Variants in SAP30 observed in about 807,000 individuals in gnomAD.
SAP30 encodes the protein Sin3A associated protein 30.
In SAP30, 13 loss-of-function variants were observed where a neutral mutation model predicts 19.6. That is an observed-to-expected ratio of 0.66 (90% CI 0.43 to 1.05). The LOEUF is 1.05. Ranked by LOEUF, SAP30 falls within the 50% of genes least tolerant of loss-of-function variation. The pLI is 0.00. For synonymous variants in SAP30, 108 were observed against 122.7 expected, an observed-to-expected ratio of 0.88 and a Z score of 0.79; for missense variants, 257 against 292.1, an observed-to-expected ratio of 0.88 and a Z score of 0.88.
intron 3 of SAP30, among the ~76,000 whole-genome samples, chr4:173,375,028 A>ATATG: frequency 6.7e-6 from 1 of 148,514 alleles, no homozygotes; most frequent in South Asian, 2.1e-4. Flanking sequence ...TTATAGATTT[A>ATATG]TATATATATA....
Position 173,371,537 on chromosome 4 carries a change from G to C in SAP30, c.315+40G>C, listed in dbSNP as rs557481123. ...GGACCGCCCTGCCCTCCCGCCCCTC[G>C]GTGGGGCCCCAGGAGCCGGGCAAAG... On this transcript the variant is annotated intron_variant, in intron 1 of 3. Coordinates refer to ENST00000296504, the MANE Select transcript of SAP30 (RefSeq NM_003864.4). The surrounding 1 kb of genome is among the most constrained non-coding windows in gnomAD (Gnocchi z 6.4). 1 of 1,560,224 alleles carries C rather than the reference G, an allele frequency of 6.4e-7. No homozygotes were observed. Among genetic ancestry groups the C allele is most frequent in the Non-Finnish European group, 8.6e-7 (1 of 1,156,198 alleles).
chr4:173,375,257 T>A (rs2126905864), intron 3 of SAP30, among the ~76,000 whole-genome samples: 1 of 152,200 alleles, frequency 6.6e-6, no homozygotes, highest in Admixed American at 6.5e-5. Flanking sequence ...AAAATGTGCC[T>A]ATTGAATAAA....
chr4:173,376,833 G>A (rs1183225830), intron 3 of SAP30, among the ~76,000 whole-genome samples: 2 of 151,880 alleles, frequency 1.3e-5, no homozygotes, highest in African/African-American at 4.8e-5. Flanking sequence ...TGTTGCTCAG[G>A]CTGGTCTCAA....
In SAP30 at chr4:173,374,008, C is replaced by T; in HGVS notation, c.511C>T (p.Pro171Ser). ...AAGACACTTCAAGCTACCAACCAGA[C>T]CAGGACTTAATAAAGCACAACTTGT... ...YKRHFKLPTR[P>S]GLNKAQLVEI... Residue 171 changes from proline (P) to serine (S), a missense_variant, in exon 3 of 4, where the codon CCA becomes TCA. By Grantham distance (74) the Pro-to-Ser change is moderately conservative. Transcript: ENST00000296504. 6.3e-7 allele frequency: 1 copy of T among 1,598,684 alleles called. No homozygotes were observed. The highest frequency in any genetic ancestry group is 1.7e-5 in the Admixed American group (1 of 57,938).
chr4:173,374,292 T>C (rs1375854411), intron 3 of SAP30, among the ~76,000 whole-genome samples: 1 of 152,186 alleles, frequency 6.6e-6, no homozygotes, highest in Non-Finnish European at 1.5e-5. Context: ...TGATTGTTTT[T>C]TGAGACAGAA....
chr4:173,374,019 T>C lies in SAP30; in HGVS notation c.522T>C (p.Asn174=). ...AGCTACCAACCAGACCAGGACTTAA[T>C]AAAGCACAACTTGTTGAGGTATATA... ...HFKLPTRPGL[N]KAQLVEIVGC... is the part of the protein sequence containing the mutation. Residue 174 remains asparagine (N), a synonymous_variant, in exon 3 of 4, where the codon AAT becomes AAC. Transcript: ENST00000296504. 1 of 1,590,738 alleles carries C rather than the reference T, an allele frequency of 6.3e-7. No individual in the cohort carries two copies. Among genetic ancestry groups the C allele is most frequent in the Non-Finnish European group, 8.6e-7 (1 of 1,164,576 alleles).
At position 173,371,001 on chromosome 4, in the gene SAP30, C is replaced by A; in HGVS notation, c.-182C>A. 3 of 490,188 alleles carry A rather than the reference C, an allele frequency of 6.1e-6. No individual in the cohort carries two copies. Among genetic ancestry groups the A allele is most frequent in the Non-Finnish European group, 9.0e-6 (3 of 332,708 alleles). The allele number at this position is 490,188 out of a possible 1,614,324, so 30.4% of individuals were successfully genotyped here. A position where few individuals can be genotyped will look rare whatever the true frequency, so the allele number is the denominator to read the frequency against. ...GGAGACGCTCGAGTCTGCGTCCCGG[C>A]CCTCAGCACTGTCCACTGTTTCGGT... On this transcript the variant is annotated 5_prime_UTR_variant, in exon 1 of 4. Coordinates refer to ENST00000296504, the MANE Select transcript of SAP30 (RefSeq NM_003864.4). This position sits in a 1 kb window ranked among gnomAD's most constrained non-coding sequence, Gnocchi z 6.4.
chr4:173,371,588 A>G lies in SAP30; in HGVS notation c.315+91A>G. ...GCACGGGTTGTCGGCGGGGTCCCCC[A>G]GACAACCGCACTGGCTGCAGTGCGG... is the stretch of plus-strand genomic sequence containing the variant. On this transcript the variant is annotated intron_variant, in intron 1 of 3. Coordinates refer to ENST00000296504, the MANE Select transcript of SAP30 (RefSeq NM_003864.4). The surrounding 1 kb of genome is among the most constrained non-coding windows in gnomAD (Gnocchi z 6.4). 1 of 1,507,386 alleles carries G rather than the reference A, an allele frequency of 6.6e-7. No individual in the cohort carries two copies. The highest frequency in any genetic ancestry group is 8.9e-7 in the Non-Finnish European group (1 of 1,126,620). 93.4% of individuals were successfully genotyped at this position (1,507,386 alleles called of 1,614,324 possible). A position where few individuals can be genotyped will look rare whatever the true frequency, so the allele number is the denominator to read the frequency against.
At chr4:173,375,373 AAC>A (rs1444988991) in intron 3 of SAP30, among the ~76,000 whole-genome samples, 1 of 152,138 alleles carries the variant, frequency 6.6e-6, no homozygotes, top group East Asian at 1.9e-4. Context: ...TTGGTTGGGC[AAC>A]ACAGATCTAA....
intron 3 of SAP30, among the ~76,000 whole-genome samples, chr4:173,376,754 G>A (rs1418972862): frequency 1.3e-5 from 2 of 151,892 alleles, no homozygotes; most frequent in Non-Finnish European, 2.9e-5. Context: ...GAGTAGCTAG[G>A]ATTACAGGTG....
intron 1 of SAP30, among the ~76,000 whole-genome samples, chr4:173,372,245 C>T (rs992849022): frequency 3.3e-5 from 5 of 152,230 alleles, no homozygotes; most frequent in Non-Finnish European, 7.3e-5. Context: ...AAATGAATAA[C>T]ATGGTATCGA....
At chr4:173,374,097 A>G (rs1479152301) in intron 3 of SAP30, 60 bp downstream of exon 3, 9 of 901,148 alleles carry the variant, frequency 1.0e-5, no homozygotes, top group African/African-American at 1.7e-5. Context: ...ATTAAGTGCT[A>G]ATGGAAGTTT....
chr4:173,372,915 T>G (rs112492210), intron 1 of SAP30, among the ~76,000 whole-genome samples: 2,856 of 152,320 alleles, frequency 0.019, 91 homozygotes, highest in African/African-American at 0.065. Flanking sequence ...CCTGAGTAGC[T>G]GGGATTACAG....
At chr4:173,374,334 G>A (rs780699965) in intron 3 of SAP30, among the ~76,000 whole-genome samples, 108 of 152,254 alleles carry the variant, frequency 7.1e-4, no homozygotes, top group Non-Finnish European at 1.3e-3. Context: ...GGAGTGCAGT[G>A]GCATGATCTT....
intron 3 of SAP30, among the ~76,000 whole-genome samples, chr4:173,376,503 C>A (rs1266167934): frequency 1.3e-5 from 2 of 152,186 alleles, no homozygotes; most frequent in African/African-American, 2.4e-5. Context: ...TAAACCATTG[C>A]AGGTTTAATG....
At chr4:173,376,064 G>A (rs1316366209) in intron 3 of SAP30, among the ~76,000 whole-genome samples, 1 of 152,142 alleles carries the variant, frequency 6.6e-6, no homozygotes, top group Admixed American at 6.5e-5. Context: ...ATCTATCTCT[G>A]GTGCCAAAAA....
chr4:173,376,022 C>A (rs1490353241), intron 3 of SAP30, among the ~76,000 whole-genome samples: 1 of 152,170 alleles, frequency 6.6e-6, no homozygotes, highest in Admixed American at 6.5e-5. Context: ...ACTCCGCCAC[C>A]CTCAATCTGT....
chr4:173,373,526 G>T lies in SAP30; in HGVS notation c.441+11G>T. ...ATTGATACCCCAGAGGTAGATGGAA[G>T]TTTTTTATGCTTAATGTAAATCCTA... On this transcript the variant is annotated intron_variant, in intron 2 of 3. Transcript: ENST00000296504. 6.3e-7 allele frequency: 1 copy of T among 1,590,614 alleles called. No homozygotes were observed. Among genetic ancestry groups the T allele is most frequent in the Non-Finnish European group, 8.5e-7 (1 of 1,170,342 alleles).
intron 3 of SAP30, among the ~76,000 whole-genome samples, chr4:173,376,723 A>G (rs892071248): frequency 6.6e-6 from 1 of 152,118 alleles, no homozygotes; most frequent in Non-Finnish European, 1.5e-5. Flanking sequence ...GGTTCAAGCA[A>G]TCCTCCTGTC....
Sources: gnomAD v4.1 joint callset for allele counts (sites outside exome capture counted in the v4.1 genomes callset) on GRCh38, gnomAD v4.1.1 for gene constraint, Gnocchi (gnomAD v3.1) non-coding constraint, MANE v1.5 for transcripts, NCBI Gene and HGNC (gene_info 2026-07-23, HGNC 2026-07-21) for gene names.